The following CST7 variants were observed in gnomAD, a reference collection of about 807,000 sequenced individuals.
CST7 encodes the protein cystatin-F.
In CST7, 15 loss-of-function variants were observed where a neutral mutation model predicts 13.1. The ratio of observed to expected loss-of-function variants is 1.14; its 90% CI spans 0.77 to 1.76. The LOEUF (loss-of-function observed/expected upper bound fraction) is 1.76. CST7 is among the 40% of genes most tolerant of loss of function. CST7 has a pLI of 0.00. For synonymous variants in CST7, 75 were observed against 66.9 expected (o/e 1.12, Z -0.59); for missense variants, 193 against 178.8 (o/e 1.08, Z -0.45).
At chr20:24,951,963 T>C (rs1312421297) in intron 1 of CST7, among the ~76,000 whole-genome samples, 1 of 152,272 alleles carries the variant, frequency 6.6e-6, no homozygotes, top group Non-Finnish European at 1.5e-5. Context: ...CATTTCAGCT[T>C]CCCTCTGCAA....
At chr20:24,949,678 C>A in intron 1 of CST7, 103 bp downstream of exon 1, 3 of 1,454,724 alleles carry the variant, frequency 2.1e-6, no homozygotes, top group East Asian at 2.4e-5. Context: ...TTGGAGCCCC[C>A]ACAGGACCAT....
At position 24,957,543 on chromosome 20, in the gene CST7, G is replaced by A. The variant is rs111903393; in HGVS notation, c.243+84G>A. On this transcript the variant is annotated intron_variant, in intron 2 of 3. Transcript: ENST00000480798. ...AACGCGACACCTAGGAGAGCAGGGCGGATATAATGTGAAGTCCCTGCTGAG... is the reference window on the plus strand; with the variant it reads ...AACGCGACACCTAGGAGAGCAGGGCAGATATAATGTGAAGTCCCTGCTGAG... The A allele has an allele frequency of 1.2e-3, 1,601 of 1,374,640 alleles. 19 individuals are homozygous for A. The African/African-American group carries it at 0.021, about 18-fold the overall frequency. 85.2% of individuals were successfully genotyped at this position (1,374,640 alleles called of 1,614,324 possible).
chr20:24,959,179 A>G (rs2087879316), intron 3 of CST7, 135 bp downstream of exon 3: 3 of 705,800 alleles, frequency 4.3e-6, no homozygotes, highest in Admixed American at 4.3e-5. Flanking sequence ...CAGGCCTCCC[A>G]GACTCCCGCA....
In CST7 at chr20:24,949,509, C is replaced by A; in HGVS notation, c.4C>A (p.Arg2=). 1.2e-6 allele frequency: 2 copies of A among 1,614,160 alleles called. No individual in the cohort carries two copies. Among genetic ancestry groups the A allele is most frequent in the Non-Finnish European group, 1.7e-6 (2 of 1,180,042 alleles). ...CACTGTCCCTACCCGGGCAGCCATG[C>A]GAGCGGCTGGAACTCTGCTGGCCTT... is the stretch of plus-strand genomic sequence containing the variant. M[R]AAGTLLAFCC... is the part of the protein sequence containing the mutation. Residue 2 remains arginine, a synonymous_variant, in exon 1 of 4, where the codon CGA becomes AGA. Coordinates refer to ENST00000480798, the MANE Select transcript of CST7 (RefSeq NM_003650.4).
At chr20:24,951,151 C>A (rs1281876109) in intron 1 of CST7, among the ~76,000 whole-genome samples, 3 of 152,184 alleles carry the variant, frequency 2.0e-5, no homozygotes, top group Non-Finnish European at 4.4e-5. Flanking sequence ...TCTCAGCAGA[C>A]CTGCTGTCAG....
rs1347818272 is a variant in CST7, at chr20:24,959,888, T to C, written c.*176T>C. 2 of 607,118 alleles carry C rather than the reference T, an allele frequency of 3.3e-6. No individual in the cohort carries two copies. The highest frequency in any genetic ancestry group is 5.9e-6 in the Non-Finnish European group (2 of 339,620). The allele number at this position is 607,118 out of a possible 1,614,324, so 37.6% of individuals were successfully genotyped here. ...GCTGGAATGGCAGCATGGTAGCACCTCCTAACAGATTAAATAGATCACATT... is the reference window on the plus strand; with the variant it reads ...GCTGGAATGGCAGCATGGTAGCACCCCCTAACAGATTAAATAGATCACATT... On this transcript the variant is annotated 3_prime_UTR_variant, in exon 4 of 4. Transcript: ENST00000480798.
In CST7 at chr20:24,953,139, T is replaced by C. The variant is rs115068172; in HGVS notation, c.70+3564T>C. Among the ~76,000 whole-genome samples, 613 of 152,312 alleles carry C rather than the reference T, an allele frequency of 4.0e-3. 1 individual carries two copies. Among genetic ancestry groups the C allele is most frequent in the African/African-American group, 0.014 (572 of 41,572 alleles). On this transcript the variant is annotated intron_variant, in intron 1 of 3. Transcript: ENST00000480798. Reference sequence around the variant, plus strand: ...CTGGCAGCTTCACATCTGCACCCCATTGCACACTGGTCCTCGGGCACCCGG... The same window carrying C: ...CTGGCAGCTTCACATCTGCACCCCACTGCACACTGGTCCTCGGGCACCCGG...
At chr20:24,958,895 T>G (rs2087876330) in intron 2 of CST7, 33 bp from the exon 3 acceptor site, 1 of 1,518,370 alleles carries the variant, frequency 6.6e-7, no homozygotes, top group African/African-American at 1.4e-5. Flanking sequence ...CCCTCCCCTG[T>G]GCCCAGTAAC....
chr20:24,957,416 T>C lies in CST7; in HGVS notation c.200T>C (p.Met67Thr), dbSNP rs1464749242. ...AAGTTCAACAACTGCACGAACGACA[T>C]GTTCTTGTTCAAGGAGTCCCGCATC... ...VEKFNNCTND[M>T]FLFKESRITR... Residue 67 changes from methionine to threonine, a missense_variant, in exon 2 of 4, where the codon ATG (methionine) becomes ACG (threonine). Transcript: ENST00000480798. 5.0e-6 allele frequency: 8 copies of C among 1,613,552 alleles called. No homozygotes were observed. The highest frequency in any genetic ancestry group is 1.6e-4 in the Middle Eastern group (1 of 6,078).
chr20:24,958,750 G>A (rs1269468315), intron 2 of CST7, among the ~76,000 whole-genome samples, 178 bp from the exon 3 acceptor site: 1 of 152,154 alleles, frequency 6.6e-6, no homozygotes, highest in Non-Finnish European at 1.5e-5. Flanking sequence ...GGGCAGGGAG[G>A]GGAGTGGGAG....
chr20:24,952,808 A>C (rs1272935355), intron 1 of CST7, among the ~76,000 whole-genome samples: 2 of 152,302 alleles, frequency 1.3e-5, no homozygotes, highest in South Asian at 2.1e-4. Flanking sequence ...GGATGGTTTC[A>C]CAAGCAGGGG....
chr20:24,959,368 A>G (rs998766092), intron 3 of CST7, among the ~76,000 whole-genome samples: 1 of 152,200 alleles, frequency 6.6e-6, no homozygotes, highest in African/African-American at 2.4e-5. Flanking sequence ...TCATATACAT[A>G]CATATGATAT....
chr20:24,955,359 G>C (rs942426633), intron 1 of CST7, among the ~76,000 whole-genome samples: 1 of 152,064 alleles, frequency 6.6e-6, no homozygotes, highest in South Asian at 2.1e-4. Flanking sequence ...GGAAATGCAG[G>C]TTCCAGGACC....
intron 3 of CST7, 45 bp from the exon 4 acceptor site, chr20:24,959,590 C>T (rs546844788): frequency 8.2e-6 from 13 of 1,589,038 alleles, no homozygotes; most frequent in African/African-American, 2.7e-5. Context: ...GAGGGCTCCC[C>T]GCAGGGAAAG....
At chr20:24,951,000 G>A (rs1231528410) in intron 1 of CST7, among the ~76,000 whole-genome samples, 2 of 152,204 alleles carry the variant, frequency 1.3e-5, no homozygotes, top group African/African-American at 2.4e-5. Flanking sequence ...TCAGAGCTCT[G>A]CTCATCTCAC....
rs570094416 is a variant in CST7, at chr20:24,953,056, C to CT, written c.70+3482dup. 7.9e-3 allele frequency among the ~76,000 whole-genome samples: 1,198 copies of CT among 152,362 alleles called. 25 individuals carry two copies. The highest frequency in any genetic ancestry group is 0.027 in the African/African-American group (1,141 of 41,588). On this transcript the variant is annotated intron_variant, in intron 1 of 3. Coordinates refer to ENST00000480798, the MANE Select transcript of CST7 (RefSeq NM_003650.4). The stretch of plus-strand genomic sequence containing the variant: ...ACCCTGCCCAGGGCATGCCCAGCAG[C>CT]TGTCAGAAACTGCAGCTCCCTGCTG...
At chr20:24,957,145 GA>G (rs2087863296) in intron 1 of CST7, 141 bp from the exon 2 acceptor site, 2 of 820,568 alleles carry the variant, frequency 2.4e-6, no homozygotes, top group South Asian at 1.7e-5. Flanking sequence ...GGGTAGGTAA[GA>G]GGGGGAGCAG....
At chr20:24,950,668 G>A (rs62215082) in intron 1 of CST7, among the ~76,000 whole-genome samples, 4,977 of 152,258 alleles carry the variant, frequency 0.033, 111 homozygotes, top group Non-Finnish European at 0.049. Context: ...CTGGCAGAAG[G>A]CTGGGGACAG....
rs777651450 is a variant in CST7 at position 24,949,505 on chromosome 20, C to T, written c.-1C>T. ...CCCGCACTGTCCCTACCCGGGCAGC[C>T]ATGCGAGCGGCTGGAACTCTGCTGG... is the stretch of plus-strand genomic sequence containing the variant. On this transcript the variant is annotated 5_prime_UTR_variant, in exon 1 of 4. Coordinates refer to ENST00000480798, the MANE Select transcript of CST7 (RefSeq NM_003650.4). 6.2e-7 allele frequency: 1 copy of T among 1,614,166 alleles called. No individual in the cohort carries two copies. The highest frequency in any genetic ancestry group is 8.5e-7 in the Non-Finnish European group (1 of 1,180,040).
Sources: gnomAD v4.1 joint callset for allele counts (sites outside exome capture counted in the v4.1 genomes callset) on GRCh38, gnomAD v4.1.1 for gene constraint, MANE v1.5 for transcripts, NCBI Gene and HGNC (gene_info 2026-07-23, HGNC 2026-07-21) for gene names.